Variants in XPO7 observed in about 807,000 individuals in gnomAD.
XPO7 encodes the protein exportin-7.
A neutral mutation model predicts 144.3 loss-of-function variants in XPO7; 21 were observed. The observed-to-expected ratio is 0.15, with a 90% CI of 0.10 to 0.21. XPO7 has a LOEUF of 0.21. Among genes scored for constraint, XPO7 ranks in the 10% least tolerant of loss-of-function variants. The pLI is 1.00. For synonymous variants in XPO7, 580 were observed against 499.6 expected, an observed-to-expected ratio of 1.16 and a Z score of -2.15; for missense variants, 808 against 1,325.8, an observed-to-expected ratio of 0.61 and a Z score of 6.06.
chr8:21,987,390 C>G, intron 14 of XPO7, 114 bp downstream of exon 14: 1 of 1,426,838 alleles, frequency 7.0e-7, no homozygotes, highest in Non-Finnish European at 9.5e-7. Flanking sequence ...CGTAATAGGA[C>G]AGTCCAAATG....
intron 1 of XPO7, among the ~76,000 whole-genome samples, chr8:21,941,824 G>A (rs946355949): frequency 6.6e-6 from 1 of 152,170 alleles, no homozygotes; most frequent in Non-Finnish European, 1.5e-5. Flanking sequence ...GACTACTGGC[G>A]CATGCCACCA....
At chr8:21,988,904 TG>T in intron 15 of XPO7, 98 bp from the exon 16 acceptor site, 1 of 1,016,446 alleles carries the variant, frequency 9.8e-7, no homozygotes, top group Non-Finnish European at 1.5e-6. Context: ...TGCAGATGTG[TG>T]GTGACTTTTG....
intron 2 of XPO7, among the ~76,000 whole-genome samples, chr8:21,968,252 T>C (rs1034643289): frequency 1.3e-4 from 20 of 152,228 alleles, no homozygotes; most frequent in Non-Finnish European, 1.8e-4. Context: ...TGGAATGAAA[T>C]GTGAAAAAAT....
intron 16 of XPO7, 70 bp downstream of exon 16, chr8:21,989,153 C>G: frequency 7.2e-6 from 10 of 1,380,412 alleles, no homozygotes; most frequent in Non-Finnish European, 1.0e-5. Flanking sequence ...ATCATGGCCT[C>G]CTGCTCTTTC....
At chr8:21,933,379 C>T (rs552084531) in intron 1 of XPO7, among the ~76,000 whole-genome samples, 16 of 151,998 alleles carry the variant, frequency 1.1e-4, no homozygotes, top group Middle Eastern at 3.4e-3. Context: ...GGATTACAGG[C>T]GTGAGCCACT....
In XPO7 at chr8:22,003,926, T is replaced by C; in HGVS notation, c.3066T>C (p.Ser1022=). ...AGTATTTTTCTGACCTAAGAAACAG[T>C]ATTGTGAACAGCCAGCCACCGGAGA... ...NEKYFSDLRN[S]IVNSQPPEKQ... The change falls in exon 27 of 28, where the codon AGT becomes AGC. Residue 1022 remains serine (S), a synonymous_variant. Coordinates refer to ENST00000252512, the MANE Select transcript of XPO7 (RefSeq NM_015024.5). 1.9e-6 allele frequency: 3 copies of C among 1,613,888 alleles called. No homozygotes were observed. The highest frequency in any genetic ancestry group is 2.5e-6 in the Non-Finnish European group (3 of 1,179,836).
At position 21,980,076 on chromosome 8, in the gene XPO7, G is replaced by C; in HGVS notation, c.838-8G>C. On this transcript the variant is annotated splice_region_variant and splice_polypyrimidine_tract_variant and intron_variant, in intron 8 of 27. Transcript: ENST00000252512. Reference sequence around the variant, plus strand: ...AATCGTTGTGTTTGGGTTCTGCCCTGCATTTAGGTATTATCCTGCTTGGTA... The same window carrying C: ...AATCGTTGTGTTTGGGTTCTGCCCTCCATTTAGGTATTATCCTGCTTGGTA... The C allele has an allele frequency of 6.4e-7, 1 of 1,574,332 alleles. No homozygotes were observed.
chr8:21,957,777 A>G (rs1417404216), intron 1 of XPO7, among the ~76,000 whole-genome samples: 2 of 152,108 alleles, frequency 1.3e-5, no homozygotes, highest in Non-Finnish European at 2.9e-5. Flanking sequence ...CAGTCCATGC[A>G]CTGTGCTCAC....
chr8:21,979,660 G>A (rs957695044), intron 8 of XPO7, among the ~76,000 whole-genome samples: 2 of 151,950 alleles, frequency 1.3e-5, no homozygotes, highest in Non-Finnish European at 2.9e-5. Flanking sequence ...GCCTGCCTCA[G>A]CCTCCCAGAG....
chr8:21,984,869 A>G (rs750102378), intron 12 of XPO7, 30 bp downstream of exon 12: 1 of 1,608,404 alleles, frequency 6.2e-7, no homozygotes, highest in East Asian at 2.2e-5. Flanking sequence ...GGAACTCTAG[A>G]CCTGTGAGGA....
At chr8:21,951,993 C>T (rs1006416299) in intron 1 of XPO7, among the ~76,000 whole-genome samples, 1 of 152,162 alleles carries the variant, frequency 6.6e-6, no homozygotes, top group Non-Finnish European at 1.5e-5. Context: ...CCAGTACCAT[C>T]CCCACATTGT....
chr8:21,926,996 A>G lies in XPO7; in HGVS notation c.18+7208A>G, dbSNP rs578051151. 1.2e-4 allele frequency among the ~76,000 whole-genome samples: 19 copies of G among 152,326 alleles called. No individual in the cohort carries two copies. In the South Asian group the frequency reaches 3.7e-3, roughly 30 times the overall value. ...GTTTTCCTTAGTCTTAATATTTTGA[A>G]CTGATAATGTTCCAGAACTGAGCAA... On this transcript the variant is annotated intron_variant, in intron 1 of 27. Transcript: ENST00000252512.
At chr8:21,961,154 G>A (rs926266236) in intron 1 of XPO7, among the ~76,000 whole-genome samples, 18 of 151,452 alleles carry the variant, frequency 1.2e-4, no homozygotes, top group African/African-American at 4.1e-4. Flanking sequence ...AGCTTAGTAC[G>A]CATCTCCATT....
intron 1 of XPO7, among the ~76,000 whole-genome samples, chr8:21,926,577 C>A (rs1337213836): frequency 6.6e-6 from 1 of 151,782 alleles, no homozygotes; most frequent in Non-Finnish European, 1.5e-5. Flanking sequence ...ACCTCATTCA[C>A]CTCTGCTAAC....
At chr8:21,945,182 G>C (rs907687679) in intron 1 of XPO7, among the ~76,000 whole-genome samples, 4 of 152,054 alleles carry the variant, frequency 2.6e-5, no homozygotes, top group African/African-American at 9.7e-5. Flanking sequence ...AGACGGGGCA[G>C]CTGGGCAGAG....
chr8:21,927,920 T>A (rs1810514852), intron 1 of XPO7, among the ~76,000 whole-genome samples: 2 of 152,220 alleles, frequency 1.3e-5, no homozygotes, highest in Admixed American at 1.3e-4. Context: ...GGATATTTGG[T>A]TCATAGAGAT....
chr8:21,956,335 A>G (rs1395130285), intron 1 of XPO7, among the ~76,000 whole-genome samples: 1 of 152,218 alleles, frequency 6.6e-6, no homozygotes, highest in African/African-American at 2.4e-5. Context: ...TGCTAAAAGC[A>G]GCATATGGAA....
intron 1 of XPO7, among the ~76,000 whole-genome samples, chr8:21,943,075 G>A (rs1279742620): frequency 6.6e-6 from 1 of 152,112 alleles, no homozygotes; most frequent in African/African-American, 2.4e-5. Context: ...TAATGTCTTG[G>A]TATTGCTATG....
At chr8:21,945,321 C>T (rs1447176921) in intron 1 of XPO7, among the ~76,000 whole-genome samples, 1 of 151,758 alleles carries the variant, frequency 6.6e-6, no homozygotes, top group African/African-American at 2.4e-5. Context: ...TAAAAAACTG[C>T]TGGAATAGAA....
Sources: allele counts gnomAD v4.1 joint callset (sites outside exome capture counted in the v4.1 genomes callset), GRCh38; gene constraint gnomAD v4.1.1; transcripts MANE v1.5; gene names NCBI Gene and HGNC (gene_info 2026-07-23, HGNC 2026-07-21).